The following CDH8 variants were observed in gnomAD, a reference collection of about 807,000 sequenced individuals.
The protein encoded by CDH8 is cadherin-8.
A neutral mutation model predicts 68.1 loss-of-function variants in CDH8; 17 were observed. That is an observed-to-expected ratio of 0.25 (90% CI 0.17 to 0.37). CDH8 has a LOEUF of 0.37. CDH8 is among the 10% of genes least tolerant of loss of function. CDH8 has a pLI of 1.00. For missense variants in CDH8, 763 were observed against 999.3 expected, an observed-to-expected ratio of 0.76 and a Z score of 3.19; for synonymous variants, 372 against 365.1, an observed-to-expected ratio of 1.02 and a Z score of -0.21.
intron 2 of CDH8, among the ~76,000 whole-genome samples, chr16:61,967,740 G>T (rs2150575014): frequency 6.6e-6 from 1 of 152,272 alleles, no homozygotes; most frequent in Admixed American, 6.5e-5. Flanking sequence ...TTGGATTTGG[G>T]ATTTTCAGAT....
At chr16:61,830,522 C>T (rs1232686082) in intron 4 of CDH8, among the ~76,000 whole-genome samples, 1 of 151,768 alleles carries the variant, frequency 6.6e-6, no homozygotes, top group Non-Finnish European at 1.5e-5. Context: ...TAATTTAAAG[C>T]AAATTTTGAT....
At position 62,023,421 on chromosome 16, in the gene CDH8, C is replaced by G. The variant is rs73568759; in HGVS notation, c.-199-1819G>C. 8.7e-3 allele frequency among the ~76,000 whole-genome samples: 1,331 copies of G among 152,206 alleles called. 17 individuals are homozygous for G. The highest frequency in any genetic ancestry group is 0.03 in the African/African-American group (1,237 of 41,522). On this transcript the variant is annotated intron_variant, in intron 1 of 11. Transcript: ENST00000577390. ...ATAGTCAAGTTTTCTGACCTTCAGT[C>G]TTTTCTTCTGCAAAGTGGCATTAAT...
intron 2 of CDH8, among the ~76,000 whole-genome samples, chr16:62,009,663 C>T (rs1003365270): frequency 1.3e-5 from 2 of 152,134 alleles, no homozygotes; most frequent in African/African-American, 4.8e-5. Context: ...AGTGAGCTCT[C>T]TAACTTTATG....
chr16:62,021,279 G>C lies in CDH8; in HGVS notation c.125C>G (p.Ser42Cys), dbSNP rs1370198028. The change falls in exon 2 of 12, where the codon TCC becomes TGC. Residue 42 changes from serine to cysteine, a missense_variant. Transcript: ENST00000577390. ...MNQSQVLMSG[S>C]PLELNSLGEE... ...ACCCAGACTGTTTAGTTCCAAAGGG[G>C]ATCCACTCATTAAAACTTGAGACTG... is the stretch of plus-strand genomic sequence containing the variant. 7 of 1,613,768 alleles carry C rather than the reference G, an allele frequency of 4.3e-6. No individual in the cohort carries two copies. Among genetic ancestry groups the C allele is most frequent in the Non-Finnish European group, 5.9e-6 (7 of 1,179,870 alleles).
intron 2 of CDH8, among the ~76,000 whole-genome samples, chr16:62,007,839 C>T (rs1488426558): frequency 6.6e-6 from 1 of 152,092 alleles, no homozygotes; most frequent in Non-Finnish European, 1.5e-5. Flanking sequence ...CTCATTTTCT[C>T]TCTCATTGGT....
intron 3 of CDH8, among the ~76,000 whole-genome samples, chr16:61,894,495 G>C (rs536818668): frequency 6.6e-6 from 1 of 152,246 alleles, no homozygotes; most frequent in South Asian, 2.1e-4. Flanking sequence ...TGTTGGCTTA[G>C]AATAACATTC....
intron 8 of CDH8, among the ~76,000 whole-genome samples, chr16:61,731,714 A>G (rs1211660855): frequency 2.6e-5 from 4 of 151,806 alleles, no homozygotes; most frequent in Non-Finnish European, 4.4e-5. Flanking sequence ...TTCCAAAAAA[A>G]GTTACATGAC....
chr16:61,699,519 G>T (rs1166399296), intron 10 of CDH8, among the ~76,000 whole-genome samples: 1 of 152,074 alleles, frequency 6.6e-6, no homozygotes, highest in Admixed American at 6.6e-5. Flanking sequence ...CTTCAGTGGA[G>T]CGTTGATCTC....
intron 5 of CDH8, among the ~76,000 whole-genome samples, chr16:61,822,528 A>C (rs1362656769): frequency 6.6e-6 from 1 of 151,698 alleles, no homozygotes. Context: ...GGCTCATTAT[A>C]CTCAACATAA....
rs1210610190 is a variant in CDH8, at chr16:61,652,574, A to T, written c.*1034T>A. On this transcript the variant is annotated 3_prime_UTR_variant, in exon 12 of 12. Coordinates refer to ENST00000577390, the MANE Select transcript of CDH8 (RefSeq NM_001796.5). ...AAAGAGACTATTAGCTCTCCTTTCG[A>T]TAATATTGCCTGCCATACTCATCTC... The T allele has an allele frequency of 1.9e-6, 2 of 1,064,226 alleles. No individual in the cohort carries two copies. Among genetic ancestry groups the T allele is most frequent in the Admixed American group, 1.0e-4 (2 of 19,492 alleles). The allele number at this position is 1,064,226 out of a possible 1,614,324, so 65.9% of individuals were successfully genotyped here. A position where few individuals can be genotyped will look rare whatever the true frequency, so the allele number is the denominator to read the frequency against.
chr16:61,970,322 G>A (rs1815802287), intron 2 of CDH8, among the ~76,000 whole-genome samples: 2 of 151,978 alleles, frequency 1.3e-5, no homozygotes, highest in Admixed American at 1.3e-4. Context: ...CAAACTCAAG[G>A]GAAAAATAAG....
In CDH8 at chr16:61,803,148, TG is replaced by T. The variant is rs1382737701; in HGVS notation, c.1278-13667del. The stretch of plus-strand genomic sequence containing the variant: ...AGAAACCCTACAAGCCAGAAGAGAG[TG>T]GGGGCCAATATTCAACATTCTTAAA... On this transcript the variant is annotated intron_variant, in intron 7 of 11. Coordinates refer to ENST00000577390, the MANE Select transcript of CDH8 (RefSeq NM_001796.5). Among the ~76,000 whole-genome samples the T allele has an allele frequency of 6.2e-4, 38 of 60,860 alleles. No homozygotes were observed. The South Asian group carries it at 0.014, about 22-fold the overall frequency. The allele number at this position is 60,860 out of a possible 152,430, so 39.9% of individuals were successfully genotyped here.
At chr16:61,780,604 C>T (rs1243083599) in intron 8 of CDH8, among the ~76,000 whole-genome samples, 1 of 152,192 alleles carries the variant, frequency 6.6e-6, no homozygotes, top group African/African-American at 2.4e-5. Context: ...TAGAACCTCC[C>T]CCTATGGGGT....
intron 2 of CDH8, among the ~76,000 whole-genome samples, chr16:61,929,512 C>A (rs951314165): frequency 6.6e-5 from 10 of 152,142 alleles, no homozygotes; most frequent in African/African-American, 2.4e-4. Context: ...CTGAGCTTAC[C>A]AGCAGTGATT....
chr16:61,693,160 A>T (rs573738162), intron 10 of CDH8: 1 of 152,304 alleles, frequency 6.6e-6, no homozygotes, highest in South Asian at 2.1e-4. Flanking sequence ...AATGGAATTT[A>T]AAAAATAGGG....
At chr16:62,034,800 T>C (rs1902413595) in intron 1 of CDH8, among the ~76,000 whole-genome samples, 1 of 152,190 alleles carries the variant, frequency 6.6e-6, no homozygotes, top group Non-Finnish European at 1.5e-5. Flanking sequence ...TATCGTTTAA[T>C]TGGTGCTGAA....
chr16:61,838,276 T>C (rs2143007226), intron 4 of CDH8, among the ~76,000 whole-genome samples: 1 of 152,278 alleles, frequency 6.6e-6, no homozygotes, highest in South Asian at 2.1e-4. Context: ...GTGCTCTTTC[T>C]TTGAATGTTT....
chr16:61,743,062 C>G (rs1462347506), intron 8 of CDH8: 2 of 152,070 alleles, frequency 1.3e-5, no homozygotes, highest in Non-Finnish European at 2.9e-5. Flanking sequence ...TCAGTTCATG[C>G]TGTGTTTATG....
At chr16:61,777,056 G>GA (rs1188645991) in intron 8 of CDH8, among the ~76,000 whole-genome samples, 3 of 151,940 alleles carry the variant, frequency 2.0e-5, no homozygotes, top group African/African-American at 7.2e-5. Context: ...AAATGAAAAA[G>GA]CAATGATTCC....
Sources: allele counts gnomAD v4.1 joint callset (sites outside exome capture counted in the v4.1 genomes callset), GRCh38; gene constraint gnomAD v4.1.1; transcripts MANE v1.5; gene names NCBI Gene and HGNC (gene_info 2026-07-23, HGNC 2026-07-21).